WDR27: variants seen among roughly 807,000 people sequenced by gnomAD.
WDR27 encodes the protein WD repeat-containing protein 27.
A neutral mutation model predicts 114.4 loss-of-function variants in WDR27; 100 were observed. The observed-to-expected ratio is 0.87, with a 90% CI of 0.74 to 1.03. The LOEUF (loss-of-function observed/expected upper bound fraction) is 1.03. Ranked by LOEUF, WDR27 falls within the 50% of genes least tolerant of loss-of-function variation. The pLI, the probability that WDR27 is intolerant of heterozygous loss-of-function variation, is 0.00. For synonymous variants in WDR27, 449 were observed against 423.1 expected (o/e 1.06, Z -0.75); for missense variants, 1,129 against 1,092.9 (o/e 1.03, Z -0.47).
intron 21 of WDR27, among the ~76,000 whole-genome samples, chr6:169,629,104 A>G (rs535249179): frequency 6.6e-6 from 1 of 152,362 alleles, no homozygotes; most frequent in African/African-American, 2.4e-5. Context: ...AAATTACAAA[A>G]TCACACCAAA....
chr6:169,605,533 G>T (rs986523248), intron 22 of WDR27, among the ~76,000 whole-genome samples: 2 of 150,930 alleles, frequency 1.3e-5, no homozygotes, highest in Non-Finnish European at 3.0e-5. Flanking sequence ...TTAACATACT[G>T]CCCAAAGCAA....
intron 20 of WDR27, 101 bp from the exon 21 acceptor site, chr6:169,633,169 C>T (rs1166716470): frequency 7.3e-6 from 9 of 1,227,218 alleles, no homozygotes; most frequent in Non-Finnish European, 9.7e-6. Flanking sequence ...TATTAGAAGA[C>T]TCATGAATGG....
chr6:169,568,855 C>A (rs1458046305), intron 25 of WDR27, among the ~76,000 whole-genome samples: 1 of 152,082 alleles, frequency 6.6e-6, no homozygotes, highest in Non-Finnish European at 1.5e-5. Flanking sequence ...ATGGGTTGTT[C>A]TTTCATTTCA....
chr6:169,652,590 C>G (rs1392751090), intron 13 of WDR27, among the ~76,000 whole-genome samples: 1 of 152,222 alleles, frequency 6.6e-6, no homozygotes, highest in Admixed American at 6.5e-5. Flanking sequence ...TTGACAAAAA[C>G]TCTGACATCA....
At chr6:169,677,439 A>G (rs1483960808) in intron 2 of WDR27, among the ~76,000 whole-genome samples, 1 of 152,232 alleles carries the variant, frequency 6.6e-6, no homozygotes, top group Non-Finnish European at 1.5e-5. Flanking sequence ...GGATGCTTCT[A>G]ACAACATACA....
intron 25 of WDR27, among the ~76,000 whole-genome samples, chr6:169,540,842 T>C (rs943691571): frequency 2.6e-5 from 4 of 152,156 alleles, no homozygotes; most frequent in Non-Finnish European, 5.9e-5. Flanking sequence ...GAGATTTCCC[T>C]CCATCACTCT....
At chr6:169,495,900 A>AC (rs1790343863) in intron 25 of WDR27, among the ~76,000 whole-genome samples, 1 of 151,864 alleles carries the variant, frequency 6.6e-6, no homozygotes. Context: ...GGAAAAAAAA[A>AC]CACTTCTTAC....
At chr6:169,561,288 C>T (rs1799639857) in intron 25 of WDR27, among the ~76,000 whole-genome samples, 1 of 152,102 alleles carries the variant, frequency 6.6e-6, no homozygotes, top group Non-Finnish European at 1.5e-5. Context: ...GGAGGCTCTT[C>T]CCTCATGACC....
chr6:169,680,454 C>T (rs912795943), intron 2 of WDR27, among the ~76,000 whole-genome samples: 4 of 152,044 alleles, frequency 2.6e-5, no homozygotes, highest in South Asian at 2.1e-4. Flanking sequence ...TGGTGATGGC[C>T]GCCTGTAGTC....
intron 25 of WDR27, among the ~76,000 whole-genome samples, chr6:169,523,514 G>A (rs943096964): frequency 6.6e-6 from 1 of 151,998 alleles, no homozygotes; most frequent in Non-Finnish European, 1.5e-5. Context: ...TAATATCCAC[G>A]ATGAATATAG....
chr6:169,544,491 T>C (rs570408829), intron 25 of WDR27, among the ~76,000 whole-genome samples: 4 of 150,588 alleles, frequency 2.7e-5, no homozygotes, highest in South Asian at 4.2e-4. Flanking sequence ...CAGGCTGGAG[T>C]GTAGTGGCGC....
intron 23 of WDR27, among the ~76,000 whole-genome samples, chr6:169,590,389 T>G (rs963385629): frequency 6.6e-6 from 1 of 152,280 alleles, no homozygotes; most frequent in African/African-American, 2.4e-5. Context: ...TGATATTTTC[T>G]GAATATTCTG....
intron 25 of WDR27, among the ~76,000 whole-genome samples, chr6:169,465,862 A>G (rs1429086070): frequency 2.0e-5 from 3 of 152,180 alleles, no homozygotes; most frequent in African/African-American, 7.2e-5. Context: ...GTTGCCAGGG[A>G]CTGAGGAAGG....
At chr6:169,701,032 C>A (rs77124019) in intron 1 of WDR27, among the ~76,000 whole-genome samples, 1 of 152,132 alleles carries the variant, frequency 6.6e-6, no homozygotes, top group East Asian at 1.9e-4. Flanking sequence ...ATACCATAGT[C>A]TTAAAGTTAA....
intron 18 of WDR27, among the ~76,000 whole-genome samples, 169 bp downstream of exon 18, chr6:169,638,370 T>C (rs1260493519): frequency 6.6e-6 from 1 of 151,238 alleles, no homozygotes. Flanking sequence ...TCAATAACTG[T>C]TATTGCATTG....
At chr6:169,441,615 G>A in the WDR27 span, among the ~76,000 whole-genome samples, 3 of 152,204 alleles carry the variant, frequency 2.0e-5, no homozygotes, top group East Asian at 1.9e-4. Flanking sequence ...TTACGCAGGA[G>A]ATGCTGAAAC....
chr6:169,573,089 G>A (rs1275854870), intron 24 of WDR27, among the ~76,000 whole-genome samples: 1 of 152,032 alleles, frequency 6.6e-6, no homozygotes, highest in East Asian at 1.9e-4. Context: ...AGGTTGTGTT[G>A]CAGCCCGAGC....
chr6:169,511,702 A>G (rs982014422), intron 25 of WDR27, among the ~76,000 whole-genome samples: 3 of 152,166 alleles, frequency 2.0e-5, no homozygotes, highest in Admixed American at 6.5e-5. Context: ...TACAAAAAAA[A>G]AATATTTGCC....
At chr6:169,521,781 A>C (rs1415238680) in intron 25 of WDR27, among the ~76,000 whole-genome samples, 1 of 152,076 alleles carries the variant, frequency 6.6e-6, no homozygotes, top group African/African-American at 2.4e-5. Flanking sequence ...TAGTAACCAC[A>C]ATGCAAAAAC....
Sources: allele counts gnomAD v4.1 joint callset (sites outside exome capture counted in the v4.1 genomes callset), GRCh38; gene constraint gnomAD v4.1.1; transcripts MANE v1.5; gene names NCBI Gene and HGNC (gene_info 2026-07-23, HGNC 2026-07-21).